The following ATM variants were observed in gnomAD, a reference collection of about 807,000 sequenced individuals.
ATM encodes ATM serine/threonine kinase.
In ATM, 308 loss-of-function variants were observed where a neutral mutation model predicts 387.0. That is an observed-to-expected ratio of 0.80 (90% CI 0.73 to 0.87). ATM has a LOEUF of 0.87. ATM is among the 40% of genes least tolerant of loss of function. The probability of loss-of-function intolerance (pLI) is 0.00; values close to 1 mark genes in which losing one functional copy is unlikely to be tolerated. For synonymous variants in ATM, 1,156 were observed against 1,187.3 expected (o/e 0.97, Z 0.54); for missense variants, 3,312 against 3,560.9 (o/e 0.93, Z 1.78).
chr11:108,341,010 T>A lies in ATM; in HGVS notation c.8269-2212T>A, dbSNP rs192174853. ...TGCAGAGGGCCAGCTGTATTCCATT[T>A]TCCTGTTCAGAACCCCACATGAGTT... On this transcript the variant is annotated intron_variant, in intron 56 of 62. Transcript: ENST00000675843. Among the ~76,000 whole-genome samples the A allele has an allele frequency of 4.1e-3, 628 of 152,168 alleles. 1 individual carries two copies. The highest frequency in any genetic ancestry group is 6.9e-3 in the Non-Finnish European group (472 of 68,012).
At position 108,235,714 on chromosome 11, in the gene ATM, G is replaced by T. The variant is rs2079238248; in HGVS notation, c.376G>T (p.Asp126Tyr). 1 of 1,612,130 alleles carries T rather than the reference G, an allele frequency of 6.2e-7. No homozygotes were observed. ...KCQELLNYIM[D>Y]TVKDSSNGAI... ...TCAAGAACTCTTAAATTATATCATG[G>T]ATACAGTGAAAGATTCATCTAATGG... Residue 126 changes from aspartate (D) to tyrosine (Y), a missense_variant, in exon 5 of 63, where the codon GAT (aspartate) becomes TAT (tyrosine). By Grantham distance (160) the Asp-to-Tyr change is radical (BLOSUM62 -3). Around this residue, in one of 4 missense-constraint regions of ATM, gnomAD observed 1,791 missense variants for 1,804.5 expected, o/e 0.99. Transcript: ENST00000675843.
chr11:108,261,100 A>G (rs1292800307), intron 16 of ATM, among the ~76,000 whole-genome samples: 3 of 152,232 alleles, frequency 2.0e-5, no homozygotes, highest in South Asian at 2.1e-4. Flanking sequence ...TAGGTAAACA[A>G]AGCAGCCGGG....
intron 38 of ATM, 71 bp from the exon 39 acceptor site, chr11:108,310,089 A>C: frequency 6.6e-7 from 1 of 1,513,340 alleles, no homozygotes; most frequent in South Asian, 1.2e-5. Flanking sequence ...ATTGTATTCT[A>C]TATCAACATG....
intron 9 of ATM, 73 bp downstream of exon 9, chr11:108,249,175 G>A: frequency 6.5e-7 from 1 of 1,547,904 alleles, no homozygotes; most frequent in South Asian, 1.1e-5. Context: ...AACTTTCAGT[G>A]GAATCCTTTC....
chr11:108,305,293 C>A (rs577767038), intron 37 of ATM, among the ~76,000 whole-genome samples: 1 of 152,140 alleles, frequency 6.6e-6, no homozygotes, highest in East Asian at 1.9e-4. Flanking sequence ...TAAAAAGCAG[C>A]CTTTGGCCGG....
At chr11:108,241,731 T>C (rs1353577825) in intron 5 of ATM, among the ~76,000 whole-genome samples, 1 of 94,024 alleles carries the variant, frequency 1.1e-5, no homozygotes, top group Non-Finnish European at 2.4e-5. Flanking sequence ...TCTTTCTGTC[T>C]TTCTTTCTTT....
chr11:108,254,080 C>A (rs2135373132), intron 13 of ATM, 41 bp downstream of exon 13: 1 of 1,581,952 alleles, frequency 6.3e-7, no homozygotes, highest in South Asian at 1.1e-5. Context: ...ATATATGATT[C>A]AACTTTGGTA....
At chr11:108,277,841 C>T (rs1394769544) in intron 22 of ATM, among the ~76,000 whole-genome samples, 1 of 152,064 alleles carries the variant, frequency 6.6e-6, no homozygotes, top group East Asian at 1.9e-4. Flanking sequence ...CTTGCTGTTC[C>T]CTTGTTTTAT....
chr11:108,231,696 CAAAAAAAAAAA>C (rs144747278), intron 4 of ATM: 41 of 74,942 alleles, frequency 5.5e-4, no homozygotes, highest in African/African-American at 1.9e-3. Flanking sequence ...AACTCTGTCT[CAAAAAAAAAAA>C]AAAAAAAAAA....
Position 108,235,831 on chromosome 11 carries a change from T to C in ATM, c.493T>C (p.Leu165=), listed in dbSNP as rs878853514. ...GTGTGAAATATCTCAGCAACAGTGG[T>C]TAGGTATGTTTTGAAGGTTGTTGTT... is the stretch of plus-strand genomic sequence containing the variant. ...YWCEISQQQW[L]ELFSVYFRLY... Residue 165 remains leucine (L), a synonymous_variant, in exon 5 of 63, where the codon TTA becomes CTA. Transcript: ENST00000675843. 15 of 1,613,646 alleles carry C rather than the reference T, an allele frequency of 9.3e-6. No homozygotes were observed. The highest frequency in any genetic ancestry group is 1.3e-5 in the Non-Finnish European group (15 of 1,179,814).
chr11:108,283,899 C>A (rs2082353909), intron 25 of ATM, among the ~76,000 whole-genome samples: 2 of 152,096 alleles, frequency 1.3e-5, no homozygotes, highest in African/African-American at 4.8e-5. Flanking sequence ...GTTGATTATG[C>A]AGAAGAAATA....
In ATM at chr11:108,248,979, C is replaced by G. The variant is rs879254289; in HGVS notation, c.1112C>G (p.Thr371Ser). Residue 371 changes from threonine (T) to serine (S), a missense_variant, in exon 9 of 63, where the codon ACT becomes AGT. Thr to Ser is a moderately conservative substitution (Grantham distance 58). This residue lies in a region of ATM where 1,791 missense variants were observed against 1,804.5 expected (regional missense o/e 0.99). Transcript: ENST00000675843. Reference protein sequence around the residue: ...TRSLEISQSYTTTQRESSDYS... With the variant: ...TRSLEISQSYSTTQRESSDYS... ...TCCTTGGAGATTTCTCAATCTTACA[C>G]TACTACACAAAGAGAATCTAGTGAT... The G allele has an allele frequency of 1.2e-6, 2 of 1,612,326 alleles. No homozygotes were observed. The highest frequency in any genetic ancestry group is 4.5e-5 in the East Asian group (2 of 44,834).
Position 108,333,958 on chromosome 11 carries a change from T to C in ATM, c.8000T>C (p.Met2667Thr), listed in dbSNP as rs1060501566. 6 of 1,608,210 alleles carry C rather than the reference T, an allele frequency of 3.7e-6. No individual in the cohort carries two copies. The highest frequency in any genetic ancestry group is 2.2e-5 in the East Asian group (1 of 44,850). Residue 2667 changes from methionine (M) to threonine (T), a missense_variant, in exon 54 of 63, where the codon ATG becomes ACG. Met to Thr is a moderately conservative substitution (Grantham distance 81, BLOSUM62 -1). This residue lies in a region of ATM where 1,405 missense variants were observed against 1,604.4 expected (regional missense o/e 0.88). Transcript: ENST00000675843. The stretch of plus-strand genomic sequence containing the variant: ...TTAGAAGATGTTGTTGTCCCTACTA[T>C]GGAAATTAAGGTAATTTGCAATTAA... The part of the protein sequence containing the change: ...KNLEDVVVPT[M>T]EIKVDHTGEY...
Position 108,280,998 on chromosome 11 carries a change from C to T in ATM, c.3406C>T (p.His1136Tyr), listed in dbSNP as rs2082202374. 1.2e-6 allele frequency: 2 copies of T among 1,608,162 alleles called. No homozygotes were observed. Among genetic ancestry groups the T allele is most frequent in the South Asian group, 1.1e-5 (1 of 90,372 alleles). Reference protein sequence around the residue: ...KAQEGMREMSHSAENPETLDE... With the variant: ...KAQEGMREMSYSAENPETLDE... ...TTTTTTTTAATTTCTTTTTAAGTCC[C>T]ATAGTGCTGAGAACCCTGAAACTTT... Residue 1136 changes from histidine to tyrosine, a missense_variant, in exon 24 of 63, where the codon CAT (histidine) becomes TAT (tyrosine). His to Tyr is a moderately conservative substitution (Grantham distance 83). Transcript: ENST00000675843.
intron 5 of ATM, among the ~76,000 whole-genome samples, chr11:108,238,068 A>G (rs1319540946): frequency 6.6e-6 from 1 of 151,914 alleles, no homozygotes; most frequent in Non-Finnish European, 1.5e-5. Flanking sequence ...CTGGGATTAC[A>G]GGCATGTGCC....
chr11:108,357,596 C>G lies in ATM; in HGVS notation c.8850+2722C>G, dbSNP rs555473185. ...GTTCTCCCAGCACGCAGCTGGAGATCGGACAACAGGCAGACTGCCTCCTCA... is the reference window on the plus strand; with the variant it reads ...GTTCTCCCAGCACGCAGCTGGAGATGGGACAACAGGCAGACTGCCTCCTCA... On this transcript the variant is annotated intron_variant, in intron 61 of 62. Coordinates refer to ENST00000675843, the MANE Select transcript of ATM (RefSeq NM_000051.4). 5.9e-5 allele frequency among the ~76,000 whole-genome samples: 9 copies of G among 152,292 alleles called. No homozygotes were observed. In the South Asian group the frequency reaches 1.2e-3, roughly 21 times the overall value.
chr11:108,309,075 G>T, intron 38 of ATM: 2 of 1,451,738 alleles, frequency 1.4e-6, no homozygotes, highest in Non-Finnish European at 1.9e-6. Context: ...AATATTCCTG[G>T]AGAAAGTATG....
chr11:108,300,936 G>A (rs965962482), intron 34 of ATM, among the ~76,000 whole-genome samples: 14 of 141,078 alleles, frequency 9.9e-5, no homozygotes, highest in Non-Finnish European at 2.0e-4. Context: ...AGGCTGGAGC[G>A]CAGTGGCATG....
chr11:108,332,199 G>A (rs755400507), intron 52 of ATM, among the ~76,000 whole-genome samples, 162 bp downstream of exon 52: 3 of 152,180 alleles, frequency 2.0e-5, no homozygotes, highest in East Asian at 1.9e-4. Context: ...AGGCTGAGGC[G>A]GGTGGATTAC....
Sources: gnomAD v4.1 joint callset for allele counts (sites outside exome capture counted in the v4.1 genomes callset) on GRCh38, gnomAD v4.1.1 for gene constraint, gnomAD v4.1.1 regional missense constraint, MANE v1.5 for transcripts, NCBI Gene and HGNC (gene_info 2026-07-23, HGNC 2026-07-21) for gene names.